The following NTM variants were observed in gnomAD, a reference collection of about 807,000 sequenced individuals.
The protein encoded by NTM is IgLON family member 2.
NTM carries 13 observed loss-of-function variants against 42.1 expected under a neutral mutation model. The ratio of observed to expected loss-of-function variants is 0.31; its 90% CI spans 0.20 to 0.49. The LOEUF is 0.49. Ranked by LOEUF, NTM falls within the 20% of genes least tolerant of loss-of-function variation. The pLI is 0.99. For missense variants in NTM, 373 were observed against 452.8 expected, an observed-to-expected ratio of 0.82 and a Z score of 1.60; for synonymous variants, 187 against 179.2, an observed-to-expected ratio of 1.04 and a Z score of -0.35.
intron 2 of NTM, among the ~76,000 whole-genome samples, chr11:131,988,325 T>C (rs1304763123): frequency 6.6e-6 from 1 of 152,230 alleles, no homozygotes; most frequent in African/African-American, 2.4e-5. Flanking sequence ...TCTGATTAAA[T>C]ATTAACCTTT....
chr11:132,260,714 C>G (rs2092794682), intron 4 of NTM, among the ~76,000 whole-genome samples: 1 of 152,166 alleles, frequency 6.6e-6, no homozygotes, highest in South Asian at 2.1e-4. Context: ...GGCTGAAGAG[C>G]TACATCAAAA....
intron 3 of NTM, among the ~76,000 whole-genome samples, chr11:132,195,470 C>CAA (rs371423167): frequency 2.5e-4 from 34 of 133,942 alleles, no homozygotes; most frequent in African/African-American, 8.0e-4. Context: ...TATATAGAAC[C>CAA]AAAAAAAAAA....
At chr11:132,218,282 G>A (rs1436948440) in intron 4 of NTM, among the ~76,000 whole-genome samples, 1 of 152,154 alleles carries the variant, frequency 6.6e-6, no homozygotes, top group African/African-American at 2.4e-5. Flanking sequence ...AGAAGAAAAA[G>A]GGAGAAAGAG....
rs757988145 is a variant in NTM at position 131,370,756 on chromosome 11, G to A, written c.-51G>A. On this transcript the variant is annotated 5_prime_UTR_variant, in exon 1 of 9. Transcript: ENST00000683400. ...CACAATCTATCAGGAAAGAAAGAAAGAAAAAAACCGAACCTGACAAAAAAG... is the reference window on the plus strand; with the variant it reads ...CACAATCTATCAGGAAAGAAAGAAAAAAAAAAACCGAACCTGACAAAAAAG... 1 of 1,503,888 alleles carries A rather than the reference G, an allele frequency of 6.6e-7. No individual in the cohort carries two copies. Among genetic ancestry groups the A allele is most frequent in the Non-Finnish European group, 9.2e-7 (1 of 1,090,534 alleles). 93.2% of individuals were successfully genotyped at this position (1,503,888 alleles called of 1,614,324 possible).
At chr11:132,237,376 C>G (rs926560904) in intron 4 of NTM, among the ~76,000 whole-genome samples, 3 of 152,066 alleles carry the variant, frequency 2.0e-5, no homozygotes, top group Non-Finnish European at 4.4e-5. Context: ...GATCTCGGTA[C>G]GTCACAGTGA....
intron 1 of NTM, among the ~76,000 whole-genome samples, chr11:131,762,620 G>A (rs933157970): frequency 6.6e-6 from 1 of 152,198 alleles, no homozygotes; most frequent in Non-Finnish European, 1.5e-5. Flanking sequence ...TCCTTGGCGT[G>A]GGCCTCTCCT....
chr11:132,274,213 A>T (rs2093621826), intron 4 of NTM, among the ~76,000 whole-genome samples: 1 of 151,780 alleles, frequency 6.6e-6, no homozygotes, highest in East Asian at 1.9e-4. Flanking sequence ...TTATTTCATT[A>T]ATGTCTTCTT....
chr11:131,772,545 G>A (rs903008426), intron 1 of NTM, among the ~76,000 whole-genome samples: 1 of 152,174 alleles, frequency 6.6e-6, no homozygotes, highest in African/African-American at 2.4e-5. Context: ...CAAGAAAACA[G>A]GACTTCAGCC....
chr11:132,057,815 C>T (rs1164737389), intron 2 of NTM, among the ~76,000 whole-genome samples: 2 of 152,026 alleles, frequency 1.3e-5, no homozygotes. Context: ...CAGCTGGGGA[C>T]TTCTCTCACT....
intron 1 of NTM, among the ~76,000 whole-genome samples, chr11:131,748,929 G>T (rs529769831): frequency 6.6e-6 from 1 of 152,136 alleles, no homozygotes; most frequent in Admixed American, 6.5e-5. Context: ...AGGGGCCCCG[G>T]CTCGGCCTTT....
Position 131,370,615 on chromosome 11 carries a change from A to T in NTM, c.-192A>T. On this transcript the variant is annotated 5_prime_UTR_variant, in exon 1 of 9. Coordinates refer to ENST00000683400, the MANE Select transcript of NTM (RefSeq NM_001352005.2). ...AGATTGTACAATGTGTCTCAGTGCCAGAGTATGAGTGGAGATAATTACGGA... is the reference window on the plus strand; with the variant it reads ...AGATTGTACAATGTGTCTCAGTGCCTGAGTATGAGTGGAGATAATTACGGA... 1 of 595,986 alleles carries T rather than the reference A, an allele frequency of 1.7e-6. No individual in the cohort carries two copies. The highest frequency in any genetic ancestry group is 2.1e-5 in the South Asian group (1 of 48,424). The allele number at this position is 595,986 out of a possible 1,614,324, so 36.9% of individuals were successfully genotyped here.
chr11:131,939,665 T>G (rs1179891016), intron 2 of NTM, among the ~76,000 whole-genome samples: 2 of 152,166 alleles, frequency 1.3e-5, no homozygotes, highest in East Asian at 3.9e-4. Context: ...AAATCTTTCT[T>G]CTCTTAATAC....
At chr11:132,056,741 T>C (rs1451832122) in intron 2 of NTM, among the ~76,000 whole-genome samples, 1 of 152,224 alleles carries the variant, frequency 6.6e-6, no homozygotes, top group East Asian at 1.9e-4. Flanking sequence ...CATTTCTTCA[T>C]TTAGCCTGCC....
intron 1 of NTM, among the ~76,000 whole-genome samples, chr11:131,845,431 C>G (rs774746605): frequency 6.6e-6 from 1 of 152,036 alleles, no homozygotes; most frequent in African/African-American, 2.4e-5. Flanking sequence ...TGCTTCTCAG[C>G]GTATAGTAGA....
At chr11:131,491,970 A>G (rs1005426756) in intron 1 of NTM, among the ~76,000 whole-genome samples, 1 of 152,228 alleles carries the variant, frequency 6.6e-6, no homozygotes, top group African/African-American at 2.4e-5. Context: ...ATTAACGCAT[A>G]TGATCTGCCT....
intron 7 of NTM, among the ~76,000 whole-genome samples, chr11:132,328,449 C>A (rs950793765): frequency 1.4e-4 from 21 of 152,042 alleles, no homozygotes; most frequent in African/African-American, 4.4e-4. Context: ...GAGAAAAAAA[C>A]CCCATCTGGA....
chr11:131,710,567 G>C (rs1364615122), intron 1 of NTM, among the ~76,000 whole-genome samples: 1 of 152,144 alleles, frequency 6.6e-6, no homozygotes, highest in Non-Finnish European at 1.5e-5. Flanking sequence ...AAACATGAGA[G>C]TCAGTCCCTT....
chr11:131,630,451 A>G (rs1286215655), intron 1 of NTM, among the ~76,000 whole-genome samples: 1 of 44,486 alleles, frequency 2.2e-5, no homozygotes, highest in South Asian at 4.6e-4. Context: ...CTGTGTTCTC[A>G]GTGTTTCTTT....
At chr11:132,236,981 C>G in intron 4 of NTM, among the ~76,000 whole-genome samples, 1 of 151,850 alleles carries the variant, frequency 6.6e-6, no homozygotes, top group Non-Finnish European at 1.5e-5. Context: ...CTGTCAGAGT[C>G]TGGAAGTGCA....
Sources: gnomAD v4.1 joint callset for allele counts (sites outside exome capture counted in the v4.1 genomes callset) on GRCh38, gnomAD v4.1.1 for gene constraint, MANE v1.5 for transcripts, NCBI Gene and HGNC (gene_info 2026-07-23, HGNC 2026-07-21) for gene names.